The following CCDC3 variants were observed in gnomAD, a reference collection of about 807,000 sequenced individuals.
CCDC3 encodes the protein coiled-coil domain containing 3.
Under a neutral mutation model 21.4 loss-of-function variants are expected in CCDC3, and 24 were observed. The ratio of observed to expected loss-of-function variants is 1.12; its 90% CI spans 0.81 to 1.58. The LOEUF (loss-of-function observed/expected upper bound fraction) is 1.58, where lower values mean the gene tolerates loss of function less well. CCDC3 is among the 40% of genes most tolerant of loss of function. The pLI is 0.00. For missense variants in CCDC3, 425 were observed against 360.9 expected (o/e 1.18, Z -1.44); for synonymous variants, 186 against 166.0 (o/e 1.12, Z -0.93).
chr10:12,964,171 G>A (rs532722621), intron 2 of CCDC3, among the ~76,000 whole-genome samples: 3 of 151,968 alleles, frequency 2.0e-5, no homozygotes, highest in East Asian at 1.9e-4. Flanking sequence ...TCGGGAGTTC[G>A]AGACCAGCCT....
rs1834019710 is a variant in CCDC3, at chr10:12,897,564, A to AC, written c.*851dup. Reference sequence around the variant, plus strand: ...GCAGAAGTTCACAGCGTCTTGGAGCACCTCACTTTGAGTTCAGAGACATTA... The same window carrying AC: ...GCAGAAGTTCACAGCGTCTTGGAGCACCCTCACTTTGAGTTCAGAGACATTA... On this transcript the variant is annotated 3_prime_UTR_variant, in exon 3 of 3. Transcript: ENST00000378825. The AC allele has an allele frequency of 6.6e-6, 1 of 152,156 alleles. No homozygotes were observed. The highest frequency in any genetic ancestry group is 6.5e-5 in the Admixed American group (1 of 15,274). 9.4% of individuals were successfully genotyped at this position (152,156 alleles called of 1,614,324 possible). A position where few individuals can be genotyped will look rare whatever the true frequency, so the allele number is the denominator to read the frequency against.
At chr10:12,905,426 A>G (rs1834154481) in intron 2 of CCDC3, among the ~76,000 whole-genome samples, 1 of 152,222 alleles carries the variant, frequency 6.6e-6, no homozygotes, top group South Asian at 2.1e-4. Context: ...GCTCAAGGCA[A>G]ACGCAGGTGG....
Position 13,063,932 on chromosome 10 carries a change from AT to A in CCDC3, c.-270+9935del, listed in dbSNP as rs748132426. Among the ~76,000 whole-genome samples the A allele has an allele frequency of 4.0e-4, 58 of 144,654 alleles. No homozygotes were observed. The Middle Eastern group carries it at 0.01, about 26-fold the overall frequency. The allele number at this position is 144,654 out of a possible 152,430, so 94.9% of individuals were successfully genotyped here. On this transcript the variant is annotated intron_variant, in intron 4 of 6. Coordinates refer to the CCDC3 transcript ENST00000378839. ...GAGTCGTTTTTTTTTGTTGTTGTTGATGTTGTTGTTTTTTGAGACATTGTCT... is the reference window on the plus strand; with the variant it reads ...GAGTCGTTTTTTTTTGTTGTTGTTGAGTTGTTGTTTTTTGAGACATTGTCT...
chr10:13,031,614 A>G (rs1836303012), intron 5 of CCDC3, among the ~76,000 whole-genome samples: 1 of 152,218 alleles, frequency 6.6e-6, no homozygotes, highest in Non-Finnish European at 1.5e-5. Context: ...CTAATAAAGA[A>G]GAGAGAAGAA....
intron 2 of CCDC3, among the ~76,000 whole-genome samples, chr10:12,938,523 T>A (rs1475319594): frequency 6.6e-6 from 1 of 152,206 alleles, no homozygotes; most frequent in Non-Finnish European, 1.5e-5. Flanking sequence ...GATGCCTGGG[T>A]ACGAATCCCA....
At chr10:13,034,877 T>C (rs1836357932) in intron 5 of CCDC3, among the ~76,000 whole-genome samples, 1 of 151,856 alleles carries the variant, frequency 6.6e-6, no homozygotes, top group Non-Finnish European at 1.5e-5. Flanking sequence ...ATACAAAAAA[T>C]TAGCCAGGCA....
intron 5 of CCDC3, among the ~76,000 whole-genome samples, chr10:13,008,611 G>C (rs1201821836): frequency 2.6e-5 from 4 of 152,152 alleles, no homozygotes; most frequent in Non-Finnish European, 5.9e-5. Flanking sequence ...TGGATCCTGT[G>C]GTGGTGAAAC....
chr10:13,018,716 A>C (rs1836103955), intron 5 of CCDC3, among the ~76,000 whole-genome samples: 1 of 147,020 alleles, frequency 6.8e-6, no homozygotes, highest in Non-Finnish European at 1.5e-5. Context: ...AGACCACCTG[A>C]GTTCAGGAGT....
chr10:12,960,207 T>C (rs1462981847), intron 2 of CCDC3, among the ~76,000 whole-genome samples: 2 of 149,684 alleles, frequency 1.3e-5, no homozygotes, highest in Non-Finnish European at 1.5e-5. Flanking sequence ...TTTCTCAGCA[T>C]AACTGTACTG....
intron 3 of CCDC3, among the ~76,000 whole-genome samples, chr10:13,078,924 T>C (rs1205709953): frequency 6.6e-6 from 1 of 152,120 alleles, no homozygotes; most frequent in Admixed American, 6.5e-5. Context: ...GACGAGTTAA[T>C]GGGTGCAGCA....
intron 2 of CCDC3, among the ~76,000 whole-genome samples, chr10:12,961,908 T>C (rs1055904399): frequency 2.1e-4 from 32 of 152,156 alleles, no homozygotes; most frequent in Admixed American, 2.0e-3. Flanking sequence ...AGGGTATGCA[T>C]AGGAGGAAAT....
At chr10:12,945,175 T>C (rs1338491851) in intron 2 of CCDC3, among the ~76,000 whole-genome samples, 1 of 152,188 alleles carries the variant, frequency 6.6e-6, no homozygotes, top group Non-Finnish European at 1.5e-5. Flanking sequence ...TACAGACAGC[T>C]AGTGTAATAG....
chr10:13,043,192 A>G (rs1329183901), intron 5 of CCDC3, among the ~76,000 whole-genome samples: 1 of 152,136 alleles, frequency 6.6e-6, no homozygotes, highest in African/African-American at 2.4e-5. Context: ...ACAGTACTCA[A>G]TAGTTTTTCA....
chr10:12,899,342 C>T (rs569424276), intron 2 of CCDC3, among the ~76,000 whole-genome samples: 1 of 152,244 alleles, frequency 6.6e-6, no homozygotes, highest in South Asian at 2.1e-4. Context: ...ATTTCAGAGT[C>T]AGGATTTGGG....
intron 3 of CCDC3, among the ~76,000 whole-genome samples, chr10:13,093,429 A>T (rs906615752): frequency 6.6e-6 from 1 of 152,210 alleles, no homozygotes; most frequent in African/African-American, 2.4e-5. Flanking sequence ...GGAAGCTACA[A>T]TTCAAGATGA....
chr10:12,926,883 T>C (rs1438363062), intron 2 of CCDC3, among the ~76,000 whole-genome samples: 3 of 152,198 alleles, frequency 2.0e-5, no homozygotes, highest in African/African-American at 7.2e-5. Context: ...ATTATAATCA[T>C]AAATGTGTAT....
At chr10:12,990,784 G>C (rs967646572) in intron 2 of CCDC3, among the ~76,000 whole-genome samples, 1 of 152,140 alleles carries the variant, frequency 6.6e-6, no homozygotes, top group African/African-American at 2.4e-5. Flanking sequence ...TTTTCCAAAT[G>C]GTCAATGCGT....
chr10:12,900,418 C>T, intron 2 of CCDC3, among the ~76,000 whole-genome samples: 1 of 151,388 alleles, frequency 6.6e-6, no homozygotes. Context: ...GTGGCTCACG[C>T]CTGTAATCCC....
At chr10:13,033,747 G>A (rs552275201) in intron 5 of CCDC3, among the ~76,000 whole-genome samples, 26 of 152,236 alleles carry the variant, frequency 1.7e-4, no homozygotes, top group South Asian at 8.3e-4. Context: ...AAAAATGCTC[G>A]TCATCACTGG....
Sources: allele counts gnomAD v4.1 joint callset (sites outside exome capture counted in the v4.1 genomes callset), GRCh38; gene constraint gnomAD v4.1.1; transcripts MANE v1.5; gene names NCBI Gene and HGNC (gene_info 2026-07-23, HGNC 2026-07-21).